Variants in EMSY observed in about 807,000 individuals in gnomAD.
The protein encoded by EMSY is EMSY transcriptional repressor, BRCA2 interacting, also known as BRCA2-interacting transcriptional repressor EMSY.
In EMSY, 26 loss-of-function variants were observed where a neutral mutation model predicts 134.6. The ratio of observed to expected loss-of-function variants is 0.19; its 90% CI spans 0.14 to 0.27. The LOEUF (loss-of-function observed/expected upper bound fraction) is 0.27, where lower values mean the gene tolerates loss of function less well. Ranked by LOEUF, EMSY falls within the 10% of genes least tolerant of loss-of-function variation. EMSY has a pLI of 1.00. For missense variants in EMSY, 1,305 were observed against 1,611.4 expected (o/e 0.81, Z 3.26); for synonymous variants, 579 against 577.8 (o/e 1.00, Z -0.03).
chr11:76,523,897 A>G (rs1950748559), intron 12 of EMSY, among the ~76,000 whole-genome samples: 3 of 151,722 alleles, frequency 2.0e-5, no homozygotes. Context: ...ATTTATTTTA[A>G]AACTTAACCA....
At chr11:76,508,324 G>A (rs1353829655) in intron 9 of EMSY, among the ~76,000 whole-genome samples, 1 of 149,192 alleles carries the variant, frequency 6.7e-6, no homozygotes, top group Non-Finnish European at 1.5e-5. Flanking sequence ...TCAGTGGGTA[G>A]TAATATTTTG....
intron 1 of EMSY, among the ~76,000 whole-genome samples, chr11:76,446,000 T>C (rs1947372966): frequency 6.6e-6 from 1 of 152,138 alleles, no homozygotes; most frequent in Non-Finnish European, 1.5e-5. Context: ...TGGAACGGGA[T>C]ATAGCAGTTA....
At chr11:76,481,242 A>T (rs1948966926) in intron 8 of EMSY, among the ~76,000 whole-genome samples, 1 of 152,070 alleles carries the variant, frequency 6.6e-6, no homozygotes, top group Admixed American at 6.5e-5. Context: ...ACGGGGTTTC[A>T]TCATGTTAGC....
chr11:76,466,612 C>G (rs1174450828), intron 7 of EMSY, among the ~76,000 whole-genome samples: 3 of 152,112 alleles, frequency 2.0e-5, no homozygotes, highest in Non-Finnish European at 4.4e-5. Context: ...CCTTAAAGAA[C>G]CTCCTCGAGT....
intron 8 of EMSY, among the ~76,000 whole-genome samples, 155 bp from the exon 10 acceptor site, chr11:76,496,060 G>A (rs574452899): frequency 4.0e-4 from 61 of 152,286 alleles, no homozygotes; most frequent in African/African-American, 1.4e-3. Flanking sequence ...TATGTAAGGT[G>A]CCACACATTT....
At chr11:76,506,802 G>A (rs1453860927) in intron 9 of EMSY, among the ~76,000 whole-genome samples, 2 of 152,068 alleles carry the variant, frequency 1.3e-5, no homozygotes, top group East Asian at 1.9e-4. Context: ...ATGAAAACTT[G>A]GCAGTATCTG....
intron 1 of EMSY, among the ~76,000 whole-genome samples, chr11:76,446,423 TAA>T (rs1182395979): frequency 6.6e-6 from 1 of 151,878 alleles, no homozygotes; most frequent in African/African-American, 2.4e-5. Context: ...AGTTATTTAT[TAA>T]GTTTCTTTAA....
intron 14 of EMSY, 90 bp downstream of exon 15, chr11:76,528,556 C>T: frequency 2.8e-6 from 2 of 714,080 alleles, no homozygotes; most frequent in Non-Finnish European, 4.4e-6. Context: ...CATTTCACAA[C>T]AAATTTGTAT....
chr11:76,534,857 T>C (rs1186407992), intron 14 of EMSY, among the ~76,000 whole-genome samples: 3 of 152,166 alleles, frequency 2.0e-5, no homozygotes, highest in Admixed American at 6.5e-5. Flanking sequence ...CTTTATGTCC[T>C]CCACAATTTC....
chr11:76,528,927 A>G (rs777081086), intron 14 of EMSY, among the ~76,000 whole-genome samples: 2 of 152,156 alleles, frequency 1.3e-5, no homozygotes, highest in Non-Finnish European at 2.9e-5. Context: ...TCCAATTTGC[A>G]TGGGACAAGT....
intron 7 of EMSY, among the ~76,000 whole-genome samples, chr11:76,464,696 A>G (rs888899246): frequency 6.6e-6 from 1 of 152,146 alleles, no homozygotes; most frequent in African/African-American, 2.4e-5. Flanking sequence ...CTCTTTAACC[A>G]TCATTCTGAT....
At chr11:76,468,696 T>C (rs1259542706) in intron 7 of EMSY, among the ~76,000 whole-genome samples, 1 of 152,244 alleles carries the variant, frequency 6.6e-6, no homozygotes, top group African/African-American at 2.4e-5. Context: ...CAAATTCAAA[T>C]AGGTAATATA....
chr11:76,452,794 C>T (rs1436866008), intron 3 of EMSY, among the ~76,000 whole-genome samples: 3 of 151,906 alleles, frequency 2.0e-5, no homozygotes, highest in Admixed American at 6.6e-5. Flanking sequence ...GGAATATTAC[C>T]CTGGTGTTAA....
chr11:76,446,441 T>C (rs1454043977), intron 1 of EMSY, among the ~76,000 whole-genome samples: 4 of 152,000 alleles, frequency 2.6e-5, no homozygotes, highest in Admixed American at 2.6e-4. Flanking sequence ...TTTAACTTGC[T>C]AGGAGCTTTA....
intron 9 of EMSY, 26 bp from the exon 11 acceptor site, chr11:76,513,360 T>G: frequency 6.2e-7 from 1 of 1,610,054 alleles, no homozygotes; most frequent in Non-Finnish European, 8.5e-7. Flanking sequence ...TAATTTGTGC[T>G]GAGATTTATC....
intron 8 of EMSY, among the ~76,000 whole-genome samples, chr11:76,491,146 C>T (rs1343625822): frequency 6.6e-6 from 1 of 151,500 alleles, no homozygotes; most frequent in Non-Finnish European, 1.5e-5. Flanking sequence ...CATACTCTTA[C>T]CTCAGCTCAG....
chr11:76,492,443 A>G (rs922436718), intron 8 of EMSY, among the ~76,000 whole-genome samples: 2 of 152,220 alleles, frequency 1.3e-5, no homozygotes, highest in African/African-American at 4.8e-5. Context: ...ACTGCACTCC[A>G]GCCTGGGCCA....
At chr11:76,542,437 T>C in intron 18 of EMSY, 70 bp downstream of exon 19, 2 of 1,538,680 alleles carry the variant, frequency 1.3e-6, no homozygotes, top group Non-Finnish European at 1.8e-6. Context: ...AGTGTCATCT[T>C]GTATTTTAAG....
chr11:76,461,641 C>G (rs570284779), intron 6 of EMSY, among the ~76,000 whole-genome samples: 1 of 152,324 alleles, frequency 6.6e-6, no homozygotes, highest in Non-Finnish European at 1.5e-5. Flanking sequence ...TTTTAAAACA[C>G]TAGGCTGGAG....
Sources: allele counts gnomAD v4.1 joint callset (sites outside exome capture counted in the v4.1 genomes callset), GRCh38; gene constraint gnomAD v4.1.1; transcripts MANE v1.5; gene names NCBI Gene and HGNC (gene_info 2026-07-23, HGNC 2026-07-21).